The following ASTN2 variants were observed in gnomAD, a reference collection of about 807,000 sequenced individuals.
The protein encoded by ASTN2 is astrotactin-2.
ASTN2 carries 54 observed loss-of-function variants against 139.8 expected under a neutral mutation model. The observed-to-expected ratio is 0.39, with a 90% CI of 0.31 to 0.48. ASTN2 has a LOEUF of 0.48. Among genes scored for constraint, ASTN2 ranks in the 20% least tolerant of loss-of-function variants. ASTN2 has a pLI of 0.95. For synonymous variants in ASTN2, 756 were observed against 719.5 expected, an observed-to-expected ratio of 1.05 and a Z score of -0.81; for missense variants, 1,565 against 1,725.1, an observed-to-expected ratio of 0.91 and a Z score of 1.64.
chr9:116,790,051 G>T (rs190066146), intron 13 of ASTN2, among the ~76,000 whole-genome samples: 1 of 149,012 alleles, frequency 6.7e-6, no homozygotes, highest in African/African-American at 2.5e-5. Flanking sequence ...TCAGCCTCCC[G>T]AGTAGTTTGG....
chr9:116,449,919 T>C (rs1848123545), intron 20 of ASTN2, among the ~76,000 whole-genome samples: 1 of 152,164 alleles, frequency 6.6e-6, no homozygotes, highest in South Asian at 2.1e-4. Context: ...GTCAAGTTAC[T>C]CCCAGCTTTT....
intron 13 of ASTN2, among the ~76,000 whole-genome samples, chr9:116,777,234 CA>C (rs1349383636): frequency 3.9e-5 from 6 of 152,124 alleles, no homozygotes; most frequent in Non-Finnish European, 8.8e-5. Context: ...GAGACCCAGA[CA>C]AGAAATGCAG....
intron 17 of ASTN2, among the ~76,000 whole-genome samples, chr9:116,622,554 G>A (rs976709075): frequency 3.9e-5 from 6 of 152,114 alleles, no homozygotes; most frequent in East Asian, 1.9e-4. Context: ...CAGAGCAGTC[G>A]AGCAATTTTC....
chr9:116,573,897 C>T (rs1853622137), intron 19 of ASTN2, among the ~76,000 whole-genome samples: 1 of 152,046 alleles, frequency 6.6e-6, no homozygotes, highest in South Asian at 2.1e-4. Context: ...GGCAGTTGTC[C>T]CCAAAGCCAT....
intron 20 of ASTN2, among the ~76,000 whole-genome samples, chr9:116,475,393 C>T (rs958901900): frequency 6.6e-6 from 1 of 152,202 alleles, no homozygotes; most frequent in South Asian, 2.1e-4. Context: ...TCATCCCTAA[C>T]AGCTCCCTGC....
At chr9:116,510,145 A>C (rs1307050061) in intron 19 of ASTN2, among the ~76,000 whole-genome samples, 1 of 152,216 alleles carries the variant, frequency 6.6e-6, no homozygotes, top group Non-Finnish European at 1.5e-5. Flanking sequence ...TTCAGGTCTA[A>C]CATTTAAGTC....
At chr9:116,754,908 G>A (rs967150809) in intron 13 of ASTN2, among the ~76,000 whole-genome samples, 1 of 152,070 alleles carries the variant, frequency 6.6e-6, no homozygotes, top group East Asian at 1.9e-4. Flanking sequence ...TGCTATTCCT[G>A]TAACCCACCA....
chr9:117,117,333 A>T (rs993203844), intron 4 of ASTN2, among the ~76,000 whole-genome samples: 1 of 150,422 alleles, frequency 6.6e-6, no homozygotes, highest in Non-Finnish European at 1.5e-5. Context: ...TAGGGTTTTA[A>T]ACAGCTCTGG....
At chr9:116,801,277 G>A (rs1012257994) in intron 13 of ASTN2, among the ~76,000 whole-genome samples, 9 of 152,064 alleles carry the variant, frequency 5.9e-5, no homozygotes, top group African/African-American at 2.2e-4. Context: ...CTCAGGAAGG[G>A]AGACTTGAAA....
chr9:116,459,184 T>C (rs568695065), intron 20 of ASTN2, among the ~76,000 whole-genome samples: 13 of 152,162 alleles, frequency 8.5e-5, no homozygotes, highest in African/African-American at 2.9e-4. Flanking sequence ...AAAGACTCTT[T>C]ATCAAATGGA....
chr9:117,185,585 G>A (rs1274189545), intron 3 of ASTN2, among the ~76,000 whole-genome samples: 1 of 152,196 alleles, frequency 6.6e-6, no homozygotes, highest in Admixed American at 6.5e-5. Context: ...CTTATGGATG[G>A]TGACGTCTCC....
At position 116,814,125 on chromosome 9, in the gene ASTN2, C is replaced by T. The variant is rs571162999; in HGVS notation, c.2207+6492G>A. 4.0e-5 allele frequency among the ~76,000 whole-genome samples: 6 copies of T among 151,710 alleles called. No individual in the cohort carries two copies. The East Asian group carries it at 9.7e-4, about 25-fold the overall frequency. On this transcript the variant is annotated intron_variant, in intron 12 of 22. Coordinates refer to ENST00000313400, the MANE Select transcript of ASTN2 (RefSeq NM_001365068.1). ...TGCACAACAGGTAGACTTGGACCAA[C>T]GTTAGGAATAAATCTAAGTATCCTA...
Position 117,221,719 on chromosome 9 carries a change from C to T in ASTN2, c.631-6977G>A, listed in dbSNP as rs541005920. Among the ~76,000 whole-genome samples, 9 of 152,220 alleles carry T rather than the reference C, an allele frequency of 5.9e-5. No individual in the cohort carries two copies. The South Asian group carries it at 1.7e-3, about 28-fold the overall frequency. ...CACTGGGCCTTCTCTTGGCCACTTGCCTAATGACAGATCTAGTGGGGAAGG... is the reference window on the plus strand; with the variant it reads ...CACTGGGCCTTCTCTTGGCCACTTGTCTAATGACAGATCTAGTGGGGAAGG... On this transcript the variant is annotated intron_variant, in intron 2 of 22. Coordinates refer to ENST00000313400, the MANE Select transcript of ASTN2 (RefSeq NM_001365068.1).
At chr9:116,514,878 T>A (rs1344335201) in intron 19 of ASTN2, among the ~76,000 whole-genome samples, 3 of 152,168 alleles carry the variant, frequency 2.0e-5, no homozygotes, top group Non-Finnish European at 4.4e-5. Context: ...GATCCGATTT[T>A]CCAGGTGCCA....
chr9:117,373,245 T>A (rs2130915941), intron 1 of ASTN2, among the ~76,000 whole-genome samples: 1 of 152,344 alleles, frequency 6.6e-6, no homozygotes, highest in East Asian at 1.9e-4. Flanking sequence ...AAAAGACTTC[T>A]ATAGATTTTT....
chr9:117,165,218 A>G (rs976515543), intron 3 of ASTN2, among the ~76,000 whole-genome samples: 6 of 152,102 alleles, frequency 3.9e-5, no homozygotes, highest in African/African-American at 1.4e-4. Flanking sequence ...CGTAGAGTGT[A>G]TGAGTCTTTT....
chr9:116,720,538 T>C (rs1828442456), intron 16 of ASTN2, among the ~76,000 whole-genome samples: 1 of 151,452 alleles, frequency 6.6e-6, no homozygotes, highest in African/African-American at 2.4e-5. Context: ...TGTTTTTCTG[T>C]CTCCTCCTCC....
At chr9:116,848,056 G>A (rs533655240) in intron 11 of ASTN2, among the ~76,000 whole-genome samples, 6 of 152,150 alleles carry the variant, frequency 3.9e-5, no homozygotes, top group Admixed American at 2.6e-4. Context: ...CTTCACCTGG[G>A]TTCAAGGCGC....
At chr9:116,714,144 C>T (rs535539734) in intron 16 of ASTN2, among the ~76,000 whole-genome samples, 1 of 152,312 alleles carries the variant, frequency 6.6e-6, no homozygotes, top group East Asian at 1.9e-4. Flanking sequence ...TCTTCTAGAA[C>T]AATATAAGCT....
Sources: gnomAD v4.1 joint callset for allele counts (sites outside exome capture counted in the v4.1 genomes callset) on GRCh38, gnomAD v4.1.1 for gene constraint, MANE v1.5 for transcripts, NCBI Gene and HGNC (gene_info 2026-07-23, HGNC 2026-07-21) for gene names.